Variants in LRTM1 observed in about 807,000 individuals in gnomAD.
The protein encoded by LRTM1 is leucine rich repeat transmembrane protein 1.
In LRTM1, 38 loss-of-function variants were observed where a neutral mutation model predicts 32.4. That is an observed-to-expected ratio of 1.17 (90% CI 0.91 to 1.54). The LOEUF is 1.54. Among genes scored for constraint, LRTM1 ranks in the 40% most tolerant of loss-of-function variants. The pLI, the probability that LRTM1 is intolerant of heterozygous loss-of-function variation, is 0.00. For synonymous variants in LRTM1, 186 were observed against 169.9 expected, an observed-to-expected ratio of 1.09 and a Z score of -0.74; for missense variants, 466 against 415.4, an observed-to-expected ratio of 1.12 and a Z score of -1.06.
chr3:54,957,747 G>T (rs1191856985), intron 1 of LRTM1, among the ~76,000 whole-genome samples: 1 of 152,070 alleles, frequency 6.6e-6, no homozygotes, highest in African/African-American at 2.4e-5. Flanking sequence ...GGTGCCCATT[G>T]CTCCATGCCA....
intron 1 of LRTM1, among the ~76,000 whole-genome samples, chr3:54,941,028 G>C (rs574857845): frequency 1.8e-3 from 278 of 152,090 alleles, no homozygotes; most frequent in Non-Finnish European, 3.0e-3. Flanking sequence ...AGGCAATCCT[G>C]GTATGTTTCC....
chr3:54,944,575 C>T (rs1317111396), intron 1 of LRTM1, among the ~76,000 whole-genome samples: 3 of 152,196 alleles, frequency 2.0e-5, no homozygotes, highest in South Asian at 2.1e-4. Context: ...CGCCCACCAC[C>T]CTGCCTGGCT....
At chr3:54,920,704 G>T (rs1319487412) in intron 2 of LRTM1, among the ~76,000 whole-genome samples, 1 of 152,164 alleles carries the variant, frequency 6.6e-6, no homozygotes, top group African/African-American at 2.4e-5. Flanking sequence ...ATGGGGCTTT[G>T]AGAAGTAGTC....
rs114296337 is a variant in LRTM1 at position 54,938,915 on chromosome 3, T to C, written c.-221-13700A>G. Among the ~76,000 whole-genome samples, 386 of 152,150 alleles carry C rather than the reference T, an allele frequency of 2.5e-3. 2 individuals carry two copies. The highest frequency in any genetic ancestry group is 9.0e-3 in the African/African-American group (374 of 41,506). On this transcript the variant is annotated intron_variant, in intron 1 of 2. Coordinates refer to the LRTM1 transcript ENST00000493075. Reference sequence around the variant, plus strand: ...TGGACATGCTGTCCCGCTGAAGCTGTCCCAGGAGAGCATGTGCATTGGCCT... The same window carrying C: ...TGGACATGCTGTCCCGCTGAAGCTGCCCCAGGAGAGCATGTGCATTGGCCT...
rs1700726362 is a variant in LRTM1, at chr3:54,918,429, A to G, written c.*30T>C. The G allele has an allele frequency of 6.3e-7, 1 of 1,590,668 alleles. No homozygotes were observed. Among genetic ancestry groups the G allele is most frequent in the Non-Finnish European group, 8.6e-7 (1 of 1,166,870 alleles). On this transcript the variant is annotated 3_prime_UTR_variant, in exon 3 of 3. Transcript: ENST00000273286. ...ACTCAGACACTATCTTCTGGCCTGC[A>G]ATGACCAATCCTATTTGAGACAAAA...
chr3:54,958,624 A>G (rs1019064905), intron 1 of LRTM1, among the ~76,000 whole-genome samples: 3 of 152,194 alleles, frequency 2.0e-5, no homozygotes, highest in African/African-American at 7.2e-5. Context: ...TTCTGGAACT[A>G]ATAGCAAAGT....
At chr3:54,943,597 A>C (rs1310562671) in intron 1 of LRTM1, among the ~76,000 whole-genome samples, 2 of 152,100 alleles carry the variant, frequency 1.3e-5, no homozygotes, top group Non-Finnish European at 2.9e-5. Flanking sequence ...TGGATTAGAA[A>C]ATCCCCTGGT....
intron 1 of LRTM1, among the ~76,000 whole-genome samples, chr3:54,943,692 A>G (rs987567167): frequency 4.0e-5 from 6 of 151,854 alleles, no homozygotes; most frequent in Non-Finnish European, 5.9e-5. Context: ...TATTACTACT[A>G]TTTTCTAAAT....
At chr3:54,965,748 G>T (rs1248475520) in intron 1 of LRTM1, among the ~76,000 whole-genome samples, 1 of 152,180 alleles carries the variant, frequency 6.6e-6, no homozygotes, top group African/African-American at 2.4e-5. Flanking sequence ...CTGGAAAGGG[G>T]ATGAGGTCAG....
chr3:54,943,405 T>G (rs1187861747), intron 1 of LRTM1, among the ~76,000 whole-genome samples: 1 of 152,182 alleles, frequency 6.6e-6, no homozygotes, highest in Non-Finnish European at 1.5e-5. Flanking sequence ...CTTTAATACA[T>G]GGTGCTTTGG....
upstream of LRTM1, among the ~76,000 whole-genome samples, chr3:54,930,922 C>T (rs1462519487): frequency 1.3e-5 from 2 of 152,108 alleles, no homozygotes; most frequent in Admixed American, 6.5e-5. Flanking sequence ...CAAGGTGAAA[C>T]CCCATCTCTA....
chr3:54,920,727 C>G (rs970264164), intron 2 of LRTM1, among the ~76,000 whole-genome samples: 8 of 152,168 alleles, frequency 5.3e-5, no homozygotes, highest in African/African-American at 9.7e-5. Context: ...GATATTTAAT[C>G]CAGCCAGAGA....
At position 54,924,951 on chromosome 3, in the gene LRTM1, G is replaced by C. The variant is rs765438304; in HGVS notation, c.272C>G (p.Pro91Arg). 3 of 1,611,550 alleles carry C rather than the reference G, an allele frequency of 1.9e-6. No homozygotes were observed. The Admixed American group carries it at 5.0e-5, about 27-fold the overall frequency. The change falls in exon 2 of 3, where the codon CCT (proline) becomes CGT (arginine). Residue 91 changes from proline (P) to arginine (R), a missense_variant. Pro to Arg is a moderately radical substitution (Grantham distance 103, BLOSUM62 -2). Coordinates refer to ENST00000273286, the MANE Select transcript of LRTM1 (RefSeq NM_020678.4). ...LSNNSLSNLA[P>R]GAFHGLQHLQ... The stretch of plus-strand genomic sequence containing the variant: ...GTGCTGAAGCCCATGGAAAGCTCCA[G>C]GGGCCAGATTTGAAAGGGAATTGTT...
intron 1 of LRTM1, among the ~76,000 whole-genome samples, chr3:54,965,906 C>A (rs542464144): frequency 6.6e-6 from 1 of 151,934 alleles, no homozygotes; most frequent in East Asian, 1.9e-4. Flanking sequence ...AGGACCAGGA[C>A]GAGGATGCAG....
chr3:54,926,533 C>T (rs947929146), intron 1 of LRTM1, among the ~76,000 whole-genome samples: 1 of 151,174 alleles, frequency 6.6e-6, no homozygotes, highest in Non-Finnish European at 1.5e-5. Context: ...CACACACACA[C>T]ACACACACAC....
chr3:54,956,167 C>A (rs1701888226), intron 1 of LRTM1, among the ~76,000 whole-genome samples: 1 of 152,170 alleles, frequency 6.6e-6, no homozygotes, highest in African/African-American at 2.4e-5. Context: ...TATCTGCCAC[C>A]CAGGTGTTTG....
chr3:54,962,084 T>C (rs916855886), intron 1 of LRTM1, among the ~76,000 whole-genome samples: 5 of 152,172 alleles, frequency 3.3e-5, no homozygotes, highest in African/African-American at 1.2e-4. Context: ...AATCTATTAA[T>C]AGATTAATCC....
rs560606749 is a variant in LRTM1, at chr3:54,925,034, G to T, written c.189C>A (p.His63Gln). The stretch of plus-strand genomic sequence containing the variant: ...ACCTAAATGCAAAAGCAGGAAGATG[G>T]TGTATCTGATTATCTTGTAAATGCA... ...RTLHLQDNQI[H>Q]HLPAFAFRSV... is the part of the protein sequence containing the mutation. The change falls in exon 2 of 3, where the codon CAC becomes CAA. Residue 63 changes from histidine to glutamine, a missense_variant. Coordinates refer to ENST00000273286, the MANE Select transcript of LRTM1 (RefSeq NM_020678.4). The T allele has an allele frequency of 3.5e-5, 57 of 1,614,006 alleles. No homozygotes were observed. In the Admixed American group the frequency reaches 5.8e-4, roughly 17 times the overall value.
intron 1 of LRTM1, among the ~76,000 whole-genome samples, chr3:54,926,282 A>C (rs1053036685): frequency 6.6e-6 from 1 of 152,196 alleles, no homozygotes; most frequent in Non-Finnish European, 1.5e-5. Flanking sequence ...CCTTGTAAAT[A>C]TGGTTCCATT....
Sources: allele counts gnomAD v4.1 joint callset (sites outside exome capture counted in the v4.1 genomes callset), GRCh38; gene constraint gnomAD v4.1.1; transcripts MANE v1.5; gene names NCBI Gene and HGNC (gene_info 2026-07-23, HGNC 2026-07-21).